Variants in PHTF1 observed in about 807,000 individuals in gnomAD.
PHTF1 encodes protein PHTF1.
PHTF1 carries 88 observed loss-of-function variants against 102.4 expected under a neutral mutation model. That is an observed-to-expected ratio of 0.86 (90% CI 0.72 to 1.03). The LOEUF (loss-of-function observed/expected upper bound fraction) is 1.03. PHTF1 is among the 50% of genes least tolerant of loss of function. The pLI is 0.00. For missense variants in PHTF1, 814 were observed against 909.5 expected, an observed-to-expected ratio of 0.89 and a Z score of 1.35; for synonymous variants, 289 against 305.2, an observed-to-expected ratio of 0.95 and a Z score of 0.55.
intron 7 of PHTF1, among the ~76,000 whole-genome samples, chr1:113,716,162 G>A (rs763293248): frequency 3.9e-5 from 6 of 151,904 alleles, no homozygotes; most frequent in Non-Finnish European, 8.8e-5. Context: ...TTACCTCAAG[G>A]CATTTAACAA....
In PHTF1 at chr1:113,706,132, G is replaced by C; in HGVS notation, c.1429C>G (p.Gln477Glu). ...VNAYQQGVGY[Q>E]MLGNVVTIGL... Reference sequence around the variant, plus strand: ...ATAGTGACAACATTTCCCAGCATCTGATAACCTACTCCTTGCTGATAGGCA... The same window carrying C: ...ATAGTGACAACATTTCCCAGCATCTCATAACCTACTCCTTGCTGATAGGCA... The change falls in exon 13 of 19, where the codon CAG (glutamine) becomes GAG (glutamate). Residue 477 changes from glutamine (Q) to glutamate (E), a missense_variant. Physicochemically the swap from Gln to Glu is conservative, Grantham distance 29. Transcript: ENST00000369604. 6.2e-7 allele frequency: 1 copy of C among 1,613,582 alleles called. No homozygotes were observed. The highest frequency in any genetic ancestry group is 1.3e-5 in the African/African-American group (1 of 75,048).
chr1:113,702,348 A>G (rs78261436), intron 15 of PHTF1, among the ~76,000 whole-genome samples: 3 of 152,264 alleles, frequency 2.0e-5, no homozygotes, highest in Non-Finnish European at 2.9e-5. Context: ...AAAAAGGAAA[A>G]TTAGCAGGTA....
rs540879454 is a variant in PHTF1 at position 113,722,425 on chromosome 1, C to T, written c.623+2334G>A. Among the ~76,000 whole-genome samples, 9 of 151,454 alleles carry T rather than the reference C, an allele frequency of 5.9e-5. No individual in the cohort carries two copies. In the South Asian group the frequency reaches 6.3e-4, roughly 11 times the overall value. The stretch of plus-strand genomic sequence containing the variant: ...CTGCACTCTAGCTTTGGCGATAGAG[C>T]GAGACTCTGTCTCAAAAAAAAGAAA... On this transcript the variant is annotated intron_variant, in intron 7 of 18. Coordinates refer to ENST00000369604, the MANE Select transcript of PHTF1 (RefSeq NM_001323043.2).
At chr1:113,726,391 C>T in intron 6 of PHTF1, 27 bp downstream of exon 6, 1 of 1,505,224 alleles carries the variant, frequency 6.6e-7, no homozygotes, top group Non-Finnish European at 9.2e-7. Context: ...AGAAAATATA[C>T]AACTACAGTG....
intron 5 of PHTF1, among the ~76,000 whole-genome samples, chr1:113,734,300 A>G (rs1023607436): frequency 4.6e-5 from 7 of 152,122 alleles, no homozygotes; most frequent in African/African-American, 1.7e-4. Flanking sequence ...CAAAGAAAGA[A>G]AAGAGGGGAG....
intron 7 of PHTF1, 35 bp downstream of exon 7, chr1:113,724,724 A>C: frequency 6.5e-7 from 1 of 1,540,804 alleles, no homozygotes; most frequent in Non-Finnish European, 8.8e-7. Flanking sequence ...TGTAAACACT[A>C]CGTGAATACA....
At chr1:113,710,556 C>T in intron 10 of PHTF1, 81 bp from the exon 11 acceptor site, 1 of 1,020,496 alleles carries the variant, frequency 9.8e-7, no homozygotes, top group Non-Finnish European at 1.5e-6. Context: ...AACAACTTAT[C>T]TACAGCAATG....
intron 5 of PHTF1, among the ~76,000 whole-genome samples, chr1:113,735,434 T>TA (rs1395217235): frequency 2.2e-5 from 3 of 137,028 alleles, no homozygotes; most frequent in Non-Finnish European, 3.1e-5. Context: ...ATCCATATGA[T>TA]AGACTCTACA....
At chr1:113,732,263 C>T (rs569677418) in intron 5 of PHTF1, among the ~76,000 whole-genome samples, 3 of 152,110 alleles carry the variant, frequency 2.0e-5, no homozygotes, top group East Asian at 3.9e-4. Flanking sequence ...TTTGGGAGGC[C>T]GAGGCAGGTG....
At chr1:113,711,079 A>T (rs989865050) in intron 10 of PHTF1, among the ~76,000 whole-genome samples, 2 of 152,168 alleles carry the variant, frequency 1.3e-5, no homozygotes, top group African/African-American at 4.8e-5. Flanking sequence ...CTGTAAGCAC[A>T]CCAAGATGAC....
chr1:113,720,500 C>T (rs1652748303), intron 7 of PHTF1, among the ~76,000 whole-genome samples: 1 of 152,202 alleles, frequency 6.6e-6, no homozygotes, highest in South Asian at 2.1e-4. Context: ...CATTTTTCTC[C>T]TCAGTGCATG....
intron 3 of PHTF1, among the ~76,000 whole-genome samples, chr1:113,745,966 T>C (rs1657177421): frequency 6.6e-6 from 1 of 152,206 alleles, no homozygotes; most frequent in East Asian, 1.9e-4. Flanking sequence ...ATGGAAAAAC[T>C]GTCTTCCATG....
chr1:113,714,257 T>G (rs1245441487), intron 7 of PHTF1: 2 of 150,848 alleles, frequency 1.3e-5, no homozygotes, highest in African/African-American at 4.9e-5. Context: ...GAGGGAAGAG[T>G]AAAGGGGACT....
intron 3 of PHTF1, among the ~76,000 whole-genome samples, chr1:113,740,734 T>C (rs989037744): frequency 1.3e-5 from 2 of 152,148 alleles, no homozygotes; most frequent in African/African-American, 2.4e-5. Context: ...TTTTTGTATA[T>C]GGTGAGAAAT....
chr1:113,706,847 C>CT, intron 11 of PHTF1, 125 bp from the exon 12 acceptor site: 6 of 312,100 alleles, frequency 1.9e-5, no homozygotes, highest in South Asian at 1.8e-4. Flanking sequence ...TCCTTTCTTT[C>CT]TTTCTTTTTT....
At chr1:113,710,163 G>T in intron 11 of PHTF1, 91 bp downstream of exon 11, 2 of 898,636 alleles carry the variant, frequency 2.2e-6, no homozygotes, top group Non-Finnish European at 3.6e-6. Context: ...TACCCTACAG[G>T]ATGATTGTAA....
At position 113,713,280 on chromosome 1, in the gene PHTF1, C is replaced by G. The variant is rs367738163; in HGVS notation, c.782G>C (p.Arg261Thr). ...TTGTTAAATCCATCTAAATCTTACC[C>G]TACGGCACTTTTCTCCATCTGAAAA... ...AKFSDGEKCR[R>T]EAFRRLGNGV... The change falls in exon 8 of 19, where the codon AGG becomes ACG. Residue 261 changes from arginine to threonine, a missense_variant and splice_region_variant. Coordinates refer to ENST00000369604, the MANE Select transcript of PHTF1 (RefSeq NM_001323043.2). 1 of 1,613,346 alleles carries G rather than the reference C, an allele frequency of 6.2e-7. No homozygotes were observed. The highest frequency in any genetic ancestry group is 1.1e-5 in the South Asian group (1 of 90,988).
chr1:113,724,752 C>T lies in PHTF1; in HGVS notation c.623+7G>A, dbSNP rs940413532. The stretch of plus-strand genomic sequence containing the variant: ...TGAATACAAAATCAAGTAAAAAAGA[C>T]TCCCACCTGTTGCCAAAGATAGTCT... On this transcript the variant is annotated splice_region_variant and intron_variant, in intron 7 of 18. Coordinates refer to ENST00000369604, the MANE Select transcript of PHTF1 (RefSeq NM_001323043.2). The T allele has an allele frequency of 1.2e-5, 19 of 1,590,104 alleles. No individual in the cohort carries two copies. Among genetic ancestry groups the T allele is most frequent in the Non-Finnish European group, 1.6e-5 (19 of 1,172,282 alleles).
intron 1 of PHTF1, 116 bp downstream of exon 1, chr1:113,758,907 G>A: frequency 8.2e-7 from 1 of 1,218,910 alleles, no homozygotes; most frequent in Non-Finnish European, 1.0e-6. Flanking sequence ...GCGGCGACCG[G>A]AGAAGCCTCT....
Sources: allele counts gnomAD v4.1 joint callset (sites outside exome capture counted in the v4.1 genomes callset), GRCh38; gene constraint gnomAD v4.1.1; transcripts MANE v1.5; gene names NCBI Gene and HGNC (gene_info 2026-07-23, HGNC 2026-07-21).